The following PLCB1 variants were observed in gnomAD, a reference collection of about 807,000 sequenced individuals.
The protein encoded by PLCB1 is 1-phosphatidylinositol 4,5-bisphosphate phosphodiesterase beta-1.
In PLCB1, 46 loss-of-function variants were observed where a neutral mutation model predicts 161.8. That is an observed-to-expected ratio of 0.28 (90% CI 0.22 to 0.36). The LOEUF is 0.36. Among genes scored for constraint, PLCB1 ranks in the 10% least tolerant of loss-of-function variants. The pLI is 1.00. For synonymous variants in PLCB1, 517 were observed against 503.7 expected (o/e 1.03, Z -0.35); for missense variants, 1,016 against 1,472.5 (o/e 0.69, Z 5.07).
intron 2 of PLCB1, among the ~76,000 whole-genome samples, chr20:8,300,543 T>TTTTTA (rs200594452): frequency 0.024 from 3,684 of 152,230 alleles, 160 homozygotes; most frequent in African/African-American, 0.083. Flanking sequence ...AAGTGGTTTT[T>TTTTTA]TTTTATTATT....
intron 1 of PLCB1, among the ~76,000 whole-genome samples, chr20:8,133,748 G>A (rs1382730596): frequency 6.6e-6 from 1 of 152,188 alleles, no homozygotes; most frequent in Non-Finnish European, 1.5e-5. Context: ...AAATAAACCC[G>A]AGTTGCCAGG....
intron 3 of PLCB1, among the ~76,000 whole-genome samples, chr20:8,489,309 G>C (rs1031810669): frequency 6.6e-6 from 1 of 152,162 alleles, no homozygotes; most frequent in African/African-American, 2.4e-5. Context: ...GCAGTGAAAA[G>C]AGCAAAGTGC....
intron 2 of PLCB1, among the ~76,000 whole-genome samples, chr20:8,368,528 CAAAAAAAAAAAAAAA>C (rs1216338206): frequency 3.1e-5 from 2 of 63,818 alleles, no homozygotes; most frequent in Admixed American, 4.0e-4. Flanking sequence ...CTCTGTCTCT[CAAAAAAAAAAAAAAA>C]AAAAAAAGAA....
At chr20:8,566,733 A>C (rs1366367395) in intron 3 of PLCB1, among the ~76,000 whole-genome samples, 2 of 151,946 alleles carry the variant, frequency 1.3e-5, no homozygotes, top group Non-Finnish European at 2.9e-5. Context: ...TAGTACTTAC[A>C]GGTGGTGAAG....
At chr20:8,600,419 A>G (rs1467124801) in intron 3 of PLCB1, among the ~76,000 whole-genome samples, 2 of 143,094 alleles carry the variant, frequency 1.4e-5, no homozygotes, top group African/African-American at 2.7e-5. Flanking sequence ...CTCGGGGGTC[A>G]GGGGTCAGGG....
At chr20:8,802,032 C>T in intron 31 of PLCB1, 2 of 1,316,172 alleles carry the variant, frequency 1.5e-6, no homozygotes, top group Non-Finnish European at 2.2e-6. Flanking sequence ...ACAAAAATGA[C>T]AGCCTCCCTT....
Position 8,536,620 on chromosome 20 carries a change from A to G in PLCB1, c.247-91674A>G, listed in dbSNP as rs113585146. 5.5e-3 allele frequency among the ~76,000 whole-genome samples: 836 copies of G among 152,206 alleles called. 4 individuals are homozygous for G. The highest frequency in any genetic ancestry group is 0.019 in the African/African-American group (772 of 41,552). Reference sequence around the variant, plus strand: ...GGTGATCATCACTCACCGGCCCCATATCTCCGTGCTCCTATCTGTAGCATC... The same window carrying G: ...GGTGATCATCACTCACCGGCCCCATGTCTCCGTGCTCCTATCTGTAGCATC... On this transcript the variant is annotated intron_variant, in intron 3 of 31. Transcript: ENST00000338037.
Position 8,883,944 on chromosome 20 carries a change from TGAA to T in PLCB1, c.*2102_*2104del, listed in dbSNP as rs140743311. The T allele has an allele frequency of 0.022, 3,330 of 152,618 alleles. 50 individuals carry two copies. Among genetic ancestry groups the T allele is most frequent in the African/African-American group, 0.044 (1,811 of 41,556 alleles). The allele number at this position is 152,618 out of a possible 1,614,324, so 9.5% of individuals were successfully genotyped here. On this transcript the variant is annotated 3_prime_UTR_variant, in exon 32 of 32. Transcript: ENST00000338037. ...AACAAAATTACAGACTGTCTGAAAT[TGAA>T]GAAGAATGAACTAATAATAGCATTC...
chr20:8,680,308 C>T lies in PLCB1; in HGVS notation c.863-4624C>T, dbSNP rs553617448. Among the ~76,000 whole-genome samples the T allele has an allele frequency of 7.2e-5, 11 of 152,296 alleles. No homozygotes were observed. In the East Asian group the frequency reaches 1.9e-3, roughly 27 times the overall value. ...GGAAGGGATATCCTCAGAGTTTGTT[C>T]TCTGCCCCAAGTCTTTACTAGTCAG... On this transcript the variant is annotated intron_variant, in intron 9 of 31. Coordinates refer to ENST00000338037, the MANE Select transcript of PLCB1 (RefSeq NM_015192.4).
At chr20:8,345,400 C>T (rs1985967551) in intron 2 of PLCB1, among the ~76,000 whole-genome samples, 1 of 152,116 alleles carries the variant, frequency 6.6e-6, no homozygotes, top group Non-Finnish European at 1.5e-5. Context: ...ACTCATCAGG[C>T]CTCGTGTTTA....
chr20:8,277,010 ATTATTG>A (rs1301871757), intron 2 of PLCB1, among the ~76,000 whole-genome samples: 2,913 of 133,426 alleles, frequency 0.022, 58 homozygotes, highest in African/African-American at 0.039. Flanking sequence ...TATTATTATT[ATTATTG>A]TTAGAGATGG....
chr20:8,470,339 C>T (rs1981998173), intron 3 of PLCB1, among the ~76,000 whole-genome samples: 1 of 152,120 alleles, frequency 6.6e-6, no homozygotes, highest in South Asian at 2.1e-4. Context: ...AAGGAACTGA[C>T]AGTTTTCCTA....
chr20:8,608,416 T>A (rs1027111908), intron 3 of PLCB1, among the ~76,000 whole-genome samples: 17 of 152,178 alleles, frequency 1.1e-4, no homozygotes, highest in Admixed American at 9.8e-4. Flanking sequence ...GACTTTAAAA[T>A]GAGCTGGAAA....
Position 8,132,336 on chromosome 20 carries a change from C to G in PLCB1, c.-316C>G. 4.5e-6 allele frequency: 1 copy of G among 224,040 alleles called. No individual in the cohort carries two copies. Among genetic ancestry groups the G allele is most frequent in the Non-Finnish European group, 8.7e-6 (1 of 115,290 alleles). 13.9% of individuals were successfully genotyped at this position (224,040 alleles called of 1,614,324 possible). A position where few individuals can be genotyped will look rare whatever the true frequency, so the allele number is the denominator to read the frequency against. ...CTTTGAGGCGGCGGCGGCGGAGGAG[C>G]AGAATCCGCCGCGACTGGCAGCCTC... On this transcript the variant is annotated 5_prime_UTR_variant, in exon 1 of 32. Transcript: ENST00000338037. The surrounding 1 kb of genome is among the most constrained non-coding windows in gnomAD (Gnocchi z 5.2).
chr20:8,846,207 G>A (rs1260812227), intron 31 of PLCB1, among the ~76,000 whole-genome samples: 1 of 152,028 alleles, frequency 6.6e-6, no homozygotes, highest in Admixed American at 6.6e-5. Flanking sequence ...GAATAAAGGG[G>A]GAGGTGCCAC....
chr20:8,256,411 T>C (rs549595752), intron 2 of PLCB1, among the ~76,000 whole-genome samples: 58 of 152,144 alleles, frequency 3.8e-4, no homozygotes, highest in African/African-American at 1.4e-3. Context: ...ACCCTGGTCC[T>C]CTCTAATCCT....
At chr20:8,300,691 AC>A (rs113225903) in intron 2 of PLCB1, among the ~76,000 whole-genome samples, 2,128 of 152,266 alleles carry the variant, frequency 0.014, 55 homozygotes, top group African/African-American at 0.047. Context: ...ACTATGTACT[AC>A]CCAAACTTGT....
chr20:8,868,579 G>T (rs914976877), intron 31 of PLCB1, among the ~76,000 whole-genome samples: 1 of 152,168 alleles, frequency 6.6e-6, no homozygotes, highest in Non-Finnish European at 1.5e-5. Context: ...TGAACAGTTG[G>T]CCTGGAATGG....
intron 2 of PLCB1, among the ~76,000 whole-genome samples, chr20:8,328,461 AGTT>A (rs1449946526): frequency 2.0e-5 from 3 of 151,738 alleles, no homozygotes; most frequent in Non-Finnish European, 2.9e-5. Context: ...ACATATGACT[AGTT>A]GTTTTTTGTT....
Sources: allele counts gnomAD v4.1 joint callset (sites outside exome capture counted in the v4.1 genomes callset), GRCh38; gene constraint gnomAD v4.1.1; non-coding constraint Gnocchi (gnomAD v3.1); transcripts MANE v1.5; gene names NCBI Gene and HGNC (gene_info 2026-07-23, HGNC 2026-07-21).